Variants in YWHAH observed in about 807,000 individuals in gnomAD.
The protein encoded by YWHAH is 14-3-3 protein eta.
Under a neutral mutation model 22.9 loss-of-function variants are expected in YWHAH, and 6 were observed. The ratio of observed to expected loss-of-function variants is 0.26; its 90% CI spans 0.14 to 0.52. The LOEUF (loss-of-function observed/expected upper bound fraction) is 0.52, where lower values mean the gene tolerates loss of function less well. Among genes scored for constraint, YWHAH ranks in the 20% least tolerant of loss-of-function variants. YWHAH has a pLI of 0.97. For synonymous variants in YWHAH, 135 were observed against 124.5 expected, an observed-to-expected ratio of 1.08 and a Z score of -0.56; for missense variants, 173 against 308.6, an observed-to-expected ratio of 0.56 and a Z score of 3.29.
chr22:31,951,194 C>T (rs1026986344), intron 1 of YWHAH, among the ~76,000 whole-genome samples: 3 of 152,094 alleles, frequency 2.0e-5, no homozygotes, highest in African/African-American at 7.2e-5. Context: ...ACACCTGGCC[C>T]CTCAAACCCT....
chr22:31,948,476 TGA>T (rs774268948), intron 1 of YWHAH, among the ~76,000 whole-genome samples: 6 of 151,982 alleles, frequency 3.9e-5, no homozygotes, highest in Non-Finnish European at 8.8e-5. Context: ...ACTGTAGCCT[TGA>T]GCTCCTGGGC....
At chr22:31,955,655 AT>A (rs2093848704) in intron 1 of YWHAH, among the ~76,000 whole-genome samples, 1 of 151,962 alleles carries the variant, frequency 6.6e-6, no homozygotes, top group Non-Finnish European at 1.5e-5. Context: ...GTTGGCCAGA[AT>A]GGTCTCGATC....
At chr22:31,947,948 C>G (rs1190757291) in intron 1 of YWHAH, among the ~76,000 whole-genome samples, 1 of 152,128 alleles carries the variant, frequency 6.6e-6, no homozygotes, top group African/African-American at 2.4e-5. Context: ...GTAAAGTTAT[C>G]AAATGTAAAA....
At chr22:31,954,856 G>A (rs1249909270) in intron 1 of YWHAH, among the ~76,000 whole-genome samples, 1 of 152,188 alleles carries the variant, frequency 6.6e-6, no homozygotes, top group Non-Finnish European at 1.5e-5. Flanking sequence ...CATCTGCAAA[G>A]ACCCTATTTC....
intron 1 of YWHAH, among the ~76,000 whole-genome samples, chr22:31,950,995 C>G (rs748505842): frequency 6.6e-6 from 1 of 152,132 alleles, no homozygotes; most frequent in Admixed American, 6.5e-5. Context: ...CTCCTGGGTT[C>G]GAGCGATTGT....
chr22:31,944,633 C>A lies in YWHAH; in HGVS notation c.-101C>A, dbSNP rs1162449577. 1.1e-6 allele frequency: 1 copy of A among 930,060 alleles called. No individual in the cohort carries two copies. Among genetic ancestry groups the A allele is most frequent in the Non-Finnish European group, 1.4e-6 (1 of 736,828 alleles). 57.6% of individuals were successfully genotyped at this position (930,060 alleles called of 1,614,324 possible). The stretch of plus-strand genomic sequence containing the variant: ...GCCGGCCGGCGAGCCAGTGCGCGTG[C>A]GCGGCGGCGGCCTCCGCAGCGACCG... On this transcript the variant is annotated 5_prime_UTR_variant, in exon 1 of 2. Coordinates refer to ENST00000248975, the MANE Select transcript of YWHAH (RefSeq NM_003405.4).
intron 1 of YWHAH, among the ~76,000 whole-genome samples, chr22:31,954,560 C>T (rs1287085586): frequency 2.0e-5 from 3 of 152,132 alleles, no homozygotes; most frequent in South Asian, 4.1e-4. Flanking sequence ...AATGTATTCT[C>T]TCATAGTTCT....
intron 1 of YWHAH, among the ~76,000 whole-genome samples, chr22:31,952,072 T>TA (rs1000676669): frequency 6.6e-6 from 1 of 152,204 alleles, no homozygotes. Flanking sequence ...ATGACTGTTG[T>TA]AATCTTGGTG....
rs1056608302 is a variant in YWHAH, at chr22:31,944,835, A to G, written c.87+15A>G. The G allele has an allele frequency of 2.2e-6, 3 of 1,360,508 alleles. No individual in the cohort carries two copies. The highest frequency in any genetic ancestry group is 2.7e-4 in the Middle Eastern group (1 of 3,648). 84.3% of individuals were successfully genotyped at this position (1,360,508 alleles called of 1,614,324 possible). A position where few individuals can be genotyped will look rare whatever the true frequency, so the allele number is the denominator to read the frequency against. The stretch of plus-strand genomic sequence containing the variant: ...CTATGAAGGCGGTGAGCGCGCCGGG[A>G]GCCCGGGCGGCTGGCCGGGGGGGGC... On this transcript the variant is annotated intron_variant, in intron 1 of 1. Transcript: ENST00000248975.
At chr22:31,949,136 C>CTTTT (rs760273556) in intron 1 of YWHAH, among the ~76,000 whole-genome samples, 1,403 of 99,006 alleles carry the variant, frequency 0.014, 86 homozygotes, top group African/African-American at 0.043. Flanking sequence ...ACATATTTTA[C>CTTTT]TTTTTTTTTT....
rs548805832 is a variant in YWHAH at position 31,954,685 on chromosome 22, G to A, written c.88-1454G>A. On this transcript the variant is annotated intron_variant, in intron 1 of 1. Coordinates refer to ENST00000248975, the MANE Select transcript of YWHAH (RefSeq NM_003405.4). The stretch of plus-strand genomic sequence containing the variant: ...TTCTGGTGGCTTCTGGCAACCCTTG[G>A]TGTTCCTTGGCTTGTAGATGCGTCA... Among the ~76,000 whole-genome samples the A allele has an allele frequency of 6.6e-5, 10 of 152,250 alleles. No individual in the cohort carries two copies. In the East Asian group the frequency reaches 1.9e-3, roughly 29 times the overall value.
chr22:31,944,773 G>A lies in YWHAH; in HGVS notation c.40G>A (p.Ala14Thr). ...GCAGCTGCTGCAGCGGGCGCGGCTG[G>A]CCGAGCAGGCGGAGCGCTACGACGA... ...REQLLQRARL[A>T]EQAERYDDMA... Residue 14 changes from alanine to threonine, a missense_variant, in exon 1 of 2, where the codon GCC becomes ACC. Coordinates refer to ENST00000248975, the MANE Select transcript of YWHAH (RefSeq NM_003405.4). 1 of 1,424,110 alleles carries A rather than the reference G, an allele frequency of 7.0e-7. No homozygotes were observed. The highest frequency in any genetic ancestry group is 1.3e-5 in the South Asian group (1 of 75,782). 88.2% of individuals were successfully genotyped at this position (1,424,110 alleles called of 1,614,324 possible). A position where few individuals can be genotyped will look rare whatever the true frequency, so the allele number is the denominator to read the frequency against.
chr22:31,947,561 C>G (rs2093836791), intron 1 of YWHAH: 2 of 453,970 alleles, frequency 4.4e-6, no homozygotes, highest in Non-Finnish European at 9.2e-6. Context: ...CTCTTCCCTG[C>G]TTCTCTCCAT....
chr22:31,952,555 G>A (rs2093844735), intron 1 of YWHAH, among the ~76,000 whole-genome samples: 1 of 152,172 alleles, frequency 6.6e-6, no homozygotes, highest in South Asian at 2.1e-4. Flanking sequence ...GTATTTAAAT[G>A]TATCCAGTTA....
chr22:31,945,457 C>T (rs1368649400), intron 1 of YWHAH: 3 of 1,304,094 alleles, frequency 2.3e-6, no homozygotes, highest in Non-Finnish European at 3.0e-6. Context: ...AGGTTTGCTG[C>T]TGCGCTGTCT....
chr22:31,956,601 T>C lies in YWHAH; in HGVS notation c.550T>C (p.Tyr184His). The change falls in exon 2 of 2, where the codon TAT becomes CAT. Residue 184 changes from tyrosine (Y) to histidine (H), a missense_variant. By Grantham distance (83) the Tyr-to-His change is moderately conservative (BLOSUM62 2). Coordinates refer to ENST00000248975, the MANE Select transcript of YWHAH (RefSeq NM_003405.4). The surrounding 1 kb of genome is among the most constrained non-coding windows in gnomAD (Gnocchi z 5.1). Reference sequence around the variant, plus strand: ...GGCCCTCAACTTCTCCGTGTTCTACTATGAGATCCAGAATGCACCTGAGCA... The same window carrying C: ...GGCCCTCAACTTCTCCGTGTTCTACCATGAGATCCAGAATGCACCTGAGCA... ...GLALNFSVFY[Y>H]EIQNAPEQAC... 1 of 1,614,130 alleles carries C rather than the reference T, an allele frequency of 6.2e-7. No individual in the cohort carries two copies. Among genetic ancestry groups the C allele is most frequent in the Non-Finnish European group, 8.5e-7 (1 of 1,180,028 alleles).
At chr22:31,950,403 T>C (rs777009936) in intron 1 of YWHAH, 3 of 779,590 alleles carry the variant, frequency 3.8e-6, no homozygotes, top group Non-Finnish European at 7.2e-6. Flanking sequence ...CTGGCTGCAG[T>C]GGCATTCCCT....
At chr22:31,945,727 C>A in intron 1 of YWHAH, 4 of 1,204,636 alleles carry the variant, frequency 3.3e-6, no homozygotes, top group Non-Finnish European at 3.2e-6. Context: ...AGTGGTAGAA[C>A]AACTGCGACC....
chr22:31,944,929 C>T, intron 1 of YWHAH, 109 bp downstream of exon 1: 1 of 1,135,892 alleles, frequency 8.8e-7, no homozygotes. Flanking sequence ...ACCCGGCGAC[C>T]CGGCTGGGCG....
Sources: gnomAD v4.1 joint callset for allele counts (sites outside exome capture counted in the v4.1 genomes callset) on GRCh38, gnomAD v4.1.1 for gene constraint, Gnocchi (gnomAD v3.1) non-coding constraint, MANE v1.5 for transcripts, NCBI Gene and HGNC (gene_info 2026-07-23, HGNC 2026-07-21) for gene names.